FRMPD4: variants seen among roughly 807,000 people sequenced by gnomAD.
The protein encoded by FRMPD4 is FERM and PDZ domain-containing protein 4.
FRMPD4 carries 22 observed loss-of-function variants against 94.1 expected under a neutral mutation model. The ratio of observed to expected loss-of-function variants is 0.23; its 90% confidence interval spans 0.17 to 0.33. FRMPD4 has a LOEUF of 0.33. Ranked by LOEUF, FRMPD4 falls within the 10% of genes least tolerant of loss-of-function variation. FRMPD4 has a pLI of 1.00. For synonymous variants in FRMPD4, 631 were observed against 548.6 expected (o/e 1.15, Z -2.10); for missense variants, 1,111 against 1,339.9 (o/e 0.83, Z 2.67).
At position 12,214,285 on chromosome X, in the gene FRMPD4, A is replaced by T. The variant is rs769193504; in HGVS notation, c.41+75273A>T. Among the ~76,000 whole-genome samples the T allele has an allele frequency of 4.5e-5, 5 of 111,508 alleles. 1 individual carries two copies. In the South Asian group the frequency reaches 1.9e-3, roughly 42 times the overall value. ...CAAATTGCAAGCATAATGACGTAAG[A>T]TATTCTCTTGCCGTTGAATAAGCAT... On this transcript the variant is annotated intron_variant, in intron 1 of 16. Coordinates refer to ENST00000675598, the MANE Select transcript of FRMPD4 (RefSeq NM_001368397.1).
chrX:11,978,321 CAAAAAAAAAAAAAAAAAA>C (rs1172824155), intron 3 of FRMPD4, among the ~76,000 whole-genome samples: 8 of 16,365 alleles, frequency 4.9e-4, no homozygotes, highest in Non-Finnish European at 6.1e-4. Flanking sequence ...AACTCCATCT[CAAAAAAAAAAAAAAAAAA>C]AAAAAAAAAA....
chrX:12,332,221 G>T (rs866335206), intron 1 of FRMPD4, among the ~76,000 whole-genome samples: 1,652 of 70,507 alleles, frequency 0.023, 101 homozygotes, highest in African/African-American at 0.053. Flanking sequence ...GAGAGAGAGA[G>T]AGAGAGAGAG....
At chrX:12,702,671 T>C (rs2041808764) in intron 10 of FRMPD4, among the ~76,000 whole-genome samples, 1 of 112,663 alleles carries the variant, frequency 8.9e-6, no homozygotes, top group Admixed American at 9.4e-5. Context: ...GGGGGCAAAA[T>C]GGCTTTTCTC....
intron 1 of FRMPD4, among the ~76,000 whole-genome samples, chrX:12,167,165 T>C (rs1430075910): frequency 4.5e-5 from 5 of 112,101 alleles, no homozygotes; most frequent in African/African-American, 1.6e-4. Context: ...TTTTAGATCT[T>C]TCCTGCTTTC....
At chrX:12,210,623 A>C (rs968208195) in intron 1 of FRMPD4, among the ~76,000 whole-genome samples, 1 of 111,079 alleles carries the variant, frequency 9.0e-6, no homozygotes, top group Non-Finnish European at 1.9e-5. Context: ...CTTAACTTAC[A>C]TTTGAAAGTA....
intron 2 of FRMPD4, among the ~76,000 whole-genome samples, chrX:12,539,042 A>C (rs2058373999): frequency 8.9e-6 from 1 of 111,986 alleles, no homozygotes; most frequent in African/African-American, 3.2e-5. Flanking sequence ...ACTTTGAAAA[A>C]AAATTAGATG....
At chrX:12,109,863 A>G (rs2055339615) in intron 3 of FRMPD4, among the ~76,000 whole-genome samples, 1 of 112,020 alleles carries the variant, frequency 8.9e-6, no homozygotes, top group African/African-American at 3.2e-5. Flanking sequence ...TCCCAAGACT[A>G]AACCAGGAAG....
At chrX:12,249,338 G>A (rs1474723598) in intron 1 of FRMPD4, among the ~76,000 whole-genome samples, 1 of 111,724 alleles carries the variant, frequency 9.0e-6, no homozygotes, top group East Asian at 2.8e-4. Context: ...CCACAGGTCT[G>A]AGCAGATTCC....
intron 1 of FRMPD4, among the ~76,000 whole-genome samples, chrX:12,193,228 A>G (rs12839047): frequency 0.16 from 17,600 of 110,607 alleles, 1,054 homozygotes; most frequent in South Asian, 0.32. Context: ...ATTGTGCTAT[A>G]TACCAGACAT....
chrX:11,906,427 G>A (rs775970957), intron 3 of FRMPD4, among the ~76,000 whole-genome samples: 26 of 111,305 alleles, frequency 2.3e-4, no homozygotes, highest in Admixed American at 1.1e-3. Flanking sequence ...GATTACAGGC[G>A]TGAGCCACCG....
intron 3 of FRMPD4, among the ~76,000 whole-genome samples, chrX:11,975,545 C>T (rs2054362628): frequency 8.9e-6 from 1 of 112,351 alleles, no homozygotes; most frequent in South Asian, 3.7e-4. Context: ...GAACAGTCTA[C>T]CTACTATTGC....
intron 3 of FRMPD4, among the ~76,000 whole-genome samples, chrX:11,917,659 CATTT>C (rs1266673074): frequency 1.8e-5 from 2 of 111,481 alleles, no homozygotes; most frequent in African/African-American, 6.5e-5. Context: ...GACAAGTTCT[CATTT>C]ATAAGTGGGA....
At chrX:12,332,402 T>A (rs62588584) in intron 1 of FRMPD4, among the ~76,000 whole-genome samples, 2,979 of 108,332 alleles carry the variant, frequency 0.027, 51 homozygotes, top group Non-Finnish European at 0.039. Context: ...TGCAATTTGA[T>A]TTTCCTGGTT....
At chrX:12,223,035 G>C (rs1337997576) in intron 1 of FRMPD4, among the ~76,000 whole-genome samples, 1 of 112,007 alleles carries the variant, frequency 8.9e-6, no homozygotes. Context: ...GAATCATATA[G>C]GAATGATATG....
chrX:12,380,592 G>A (rs2056305138), intron 1 of FRMPD4, among the ~76,000 whole-genome samples: 1 of 111,970 alleles, frequency 8.9e-6, no homozygotes, highest in Non-Finnish European at 1.9e-5. Flanking sequence ...TTCCACCCGT[G>A]AAAGGTGTCC....
At chrX:12,166,205 T>A (rs1422629604) in intron 1 of FRMPD4, among the ~76,000 whole-genome samples, 2 of 112,031 alleles carry the variant, frequency 1.8e-5, no homozygotes, top group African/African-American at 6.5e-5. Flanking sequence ...GATAGCTCTT[T>A]TTATTTTGAG....
intron 3 of FRMPD4, among the ~76,000 whole-genome samples, chrX:11,882,573 C>G (rs970304748): frequency 9.0e-6 from 1 of 111,693 alleles, no homozygotes; most frequent in Admixed American, 9.5e-5. Flanking sequence ...ATGGTTAAAA[C>G]TTTGTTTCAT....
At chrX:12,143,967 A>G (rs752150892) in intron 1 of FRMPD4, among the ~76,000 whole-genome samples, 1 of 111,911 alleles carries the variant, frequency 8.9e-6, no homozygotes, top group Non-Finnish European at 1.9e-5. Flanking sequence ...GTTGCTTGTT[A>G]AGGTGATGTT....
intron 1 of FRMPD4, among the ~76,000 whole-genome samples, chrX:12,154,641 T>C (rs946228112): frequency 8.9e-6 from 1 of 112,920 alleles, no homozygotes; most frequent in Non-Finnish European, 1.9e-5. Context: ...ATACCCTAAA[T>C]AGCTACTATG....
Sources: allele counts gnomAD v4.1 joint callset (sites outside exome capture counted in the v4.1 genomes callset), GRCh38; gene constraint gnomAD v4.1.1; transcripts MANE v1.5; gene names NCBI Gene and HGNC (gene_info 2026-07-23, HGNC 2026-07-21).